Variants in SHROOM3 observed in about 807,000 individuals in gnomAD.
SHROOM3 encodes the protein protein Shroom3.
A neutral mutation model predicts 138.6 loss-of-function variants in SHROOM3; 47 were observed. That is an observed-to-expected ratio of 0.34 (90% CI 0.27 to 0.43). The LOEUF (loss-of-function observed/expected upper bound fraction) is 0.43. Among genes scored for constraint, SHROOM3 ranks in the 20% least tolerant of loss-of-function variants. SHROOM3 has a pLI of 1.00. For missense variants in SHROOM3, 2,491 were observed against 2,596.5 expected (o/e 0.96, Z 0.88); for synonymous variants, 1,062 against 1,063.3 (o/e 1.00, Z 0.02).
At chr4:76,648,247 G>T (rs1013521142) in intron 2 of SHROOM3, among the ~76,000 whole-genome samples, 1 of 152,176 alleles carries the variant, frequency 6.6e-6, no homozygotes, top group Non-Finnish European at 1.5e-5. Flanking sequence ...AGGATTGCTT[G>T]AGTCCAGGAA....
At chr4:76,477,604 C>T (rs1245713063) in intron 1 of SHROOM3, among the ~76,000 whole-genome samples, 1 of 151,978 alleles carries the variant, frequency 6.6e-6, no homozygotes, top group African/African-American at 2.4e-5. Flanking sequence ...AAAATATATA[C>T]ATTTACCTAT....
At chr4:76,698,821 T>C (rs1347091639) in intron 2 of SHROOM3, among the ~76,000 whole-genome samples, 1 of 152,206 alleles carries the variant, frequency 6.6e-6, no homozygotes, top group African/African-American at 2.4e-5. Flanking sequence ...TTCACACCAC[T>C]CACTGGGTCC....
At chr4:76,549,786 G>A (rs1173686957) in intron 1 of SHROOM3, among the ~76,000 whole-genome samples, 1 of 152,196 alleles carries the variant, frequency 6.6e-6, no homozygotes, top group Non-Finnish European at 1.5e-5. Flanking sequence ...AACAAAGAGG[G>A]AGGAGGGGAA....
At chr4:76,549,500 C>T (rs1359929569) in intron 1 of SHROOM3, among the ~76,000 whole-genome samples, 3 of 152,074 alleles carry the variant, frequency 2.0e-5, no homozygotes, top group Non-Finnish European at 4.4e-5. Context: ...TCCTGAGTAG[C>T]TAGGATTACA....
chr4:76,668,603 G>GA (rs919797904), intron 2 of SHROOM3, among the ~76,000 whole-genome samples: 1 of 151,760 alleles, frequency 6.6e-6, no homozygotes, highest in Non-Finnish European at 1.5e-5. Flanking sequence ...ACAAACAAAT[G>GA]AAAAAAACTA....
At chr4:76,729,283 T>A (rs1380363597) in intron 3 of SHROOM3, among the ~76,000 whole-genome samples, 2 of 152,176 alleles carry the variant, frequency 1.3e-5, no homozygotes, top group African/African-American at 4.8e-5. Context: ...TACCCTTAGC[T>A]ACATTCCAGC....
intron 3 of SHROOM3, among the ~76,000 whole-genome samples, chr4:76,720,762 C>A (rs888953726): frequency 6.6e-6 from 1 of 151,496 alleles, no homozygotes; most frequent in Admixed American, 6.6e-5. Context: ...CAGGCACGCA[C>A]CACCACACCC....
chr4:76,779,641 G>C lies in SHROOM3; in HGVS notation c.*464G>C, dbSNP rs1158523215. On this transcript the variant is annotated 3_prime_UTR_variant, in exon 11 of 11. Coordinates refer to ENST00000296043, the MANE Select transcript of SHROOM3 (RefSeq NM_020859.4). ...CACACTAAGAAAACTGTAAAACCTT[G>C]AACATTGTTATTTATATTTTTTAAA... is the stretch of plus-strand genomic sequence containing the variant. 6.4e-6 allele frequency: 1 copy of C among 156,850 alleles called. No homozygotes were observed. Among genetic ancestry groups the C allele is most frequent in the African/African-American group, 2.4e-5 (1 of 41,456 alleles). 9.7% of individuals were successfully genotyped at this position (156,850 alleles called of 1,614,324 possible).
intron 2 of SHROOM3, among the ~76,000 whole-genome samples, chr4:76,558,827 A>T (rs1329753924): frequency 1.3e-5 from 2 of 152,210 alleles, no homozygotes; most frequent in Non-Finnish European, 2.9e-5. Context: ...AAGTGAAGAG[A>T]ATAGTTCTGT....
chr4:76,525,126 A>G (rs952999626), intron 1 of SHROOM3, among the ~76,000 whole-genome samples: 8 of 152,182 alleles, frequency 5.3e-5, no homozygotes, highest in Non-Finnish European at 5.9e-5. Flanking sequence ...ATGCTGCTCT[A>G]AAGAACTGCC....
intron 1 of SHROOM3, among the ~76,000 whole-genome samples, chr4:76,543,235 A>G (rs895795118): frequency 1.3e-5 from 2 of 152,096 alleles, no homozygotes; most frequent in African/African-American, 4.8e-5. Flanking sequence ...TACCAGTTTC[A>G]GGGGCTTCAG....
At chr4:76,498,592 A>G (rs1019681808) in intron 1 of SHROOM3, among the ~76,000 whole-genome samples, 1 of 152,132 alleles carries the variant, frequency 6.6e-6, no homozygotes, top group African/African-American at 2.4e-5. Flanking sequence ...ATCATCAAGT[A>G]TATTCCATTT....
rs1387605551 is a variant in SHROOM3 at position 76,730,940 on chromosome 4, G to C, written c.587+5G>C. On this transcript the variant is annotated splice_donor_5th_base_variant and intron_variant, in intron 4 of 10. Coordinates refer to ENST00000296043, the MANE Select transcript of SHROOM3 (RefSeq NM_020859.4). ...GCACCAAAGCTACCATTCCAGGTAA[G>C]TGGCTATAGCTGAGACTGAAGGGTT... The C allele has an allele frequency of 9.3e-6, 15 of 1,613,996 alleles. No individual in the cohort carries two copies. The highest frequency in any genetic ancestry group is 1.3e-5 in the Non-Finnish European group (15 of 1,179,996).
intron 2 of SHROOM3, among the ~76,000 whole-genome samples, chr4:76,608,646 C>CATAGCATAGCATTGGACAGAGATGGT (rs1734686206): frequency 5.0e-5 from 1 of 19,852 alleles, no homozygotes; most frequent in Non-Finnish European, 2.3e-4. Context: ...CATAGCATAG[C>CATAGCATAGCATTGGACAGAGATGGT]ATAGCATAGC....
At chr4:76,577,156 A>G (rs1733955975) in intron 2 of SHROOM3, among the ~76,000 whole-genome samples, 1 of 152,232 alleles carries the variant, frequency 6.6e-6, no homozygotes, top group South Asian at 2.1e-4. Context: ...CCAAAAGGGT[A>G]ATCGGTGTCA....
At chr4:76,736,237 G>C (rs1271899050) in intron 4 of SHROOM3, among the ~76,000 whole-genome samples, 1 of 152,034 alleles carries the variant, frequency 6.6e-6, no homozygotes, top group African/African-American at 2.4e-5. Flanking sequence ...TCAGGGTAGG[G>C]GGTAAAATCT....
In SHROOM3 at chr4:76,618,518, A is replaced by G. The variant is rs373399628; in HGVS notation, c.323+62755A>G. Among the ~76,000 whole-genome samples, 12 of 152,352 alleles carry G rather than the reference A, an allele frequency of 7.9e-5. No individual in the cohort carries two copies. The South Asian group carries it at 2.3e-3, about 29-fold the overall frequency. On this transcript the variant is annotated intron_variant, in intron 2 of 10. Transcript: ENST00000296043. ...TAATTTCAAACTTAATAGGAAAGTT[A>G]CAAGAGTAAGAACAGTACACAAAGC... is the stretch of plus-strand genomic sequence containing the variant.
chr4:76,613,457 C>A (rs1038993752), intron 2 of SHROOM3, among the ~76,000 whole-genome samples: 12 of 152,156 alleles, frequency 7.9e-5, no homozygotes, highest in Non-Finnish European at 2.9e-5. Flanking sequence ...AGTGTTTTAG[C>A]AGAGTTGAAA....
chr4:76,475,416 A>C (rs565842302), intron 1 of SHROOM3, among the ~76,000 whole-genome samples: 64 of 152,326 alleles, frequency 4.2e-4, no homozygotes, highest in African/African-American at 1.5e-3. Flanking sequence ...CTAACAAATT[A>C]ACCTGCCATA....
Sources: allele counts gnomAD v4.1 joint callset (sites outside exome capture counted in the v4.1 genomes callset), GRCh38; gene constraint gnomAD v4.1.1; transcripts MANE v1.5; gene names NCBI Gene and HGNC (gene_info 2026-07-23, HGNC 2026-07-21).